GRAMD1B: variants seen among roughly 807,000 people sequenced by gnomAD.
The protein encoded by GRAMD1B is protein Aster-B.
A neutral mutation model predicts 99.7 loss-of-function variants in GRAMD1B; 37 were observed. The ratio of observed to expected loss-of-function variants is 0.37; its 90% CI spans 0.29 to 0.49. GRAMD1B has a LOEUF of 0.49. Among genes scored for constraint, GRAMD1B ranks in the 20% least tolerant of loss-of-function variants. GRAMD1B has a pLI of 0.98. For missense variants in GRAMD1B, 888 were observed against 1,009.2 expected, an observed-to-expected ratio of 0.88 and a Z score of 1.63; for synonymous variants, 427 against 387.6, an observed-to-expected ratio of 1.10 and a Z score of -1.19.
At chr11:123,549,076 A>T (rs1945347780) in intron 2 of GRAMD1B, among the ~76,000 whole-genome samples, 1 of 152,166 alleles carries the variant, frequency 6.6e-6, no homozygotes, top group South Asian at 2.1e-4. Context: ...GTTGGAGGTG[A>T]TGAAATGGTC....
Position 123,430,832 on chromosome 11 carries a change from G to A in GRAMD1B, c.40G>A (p.Ala14Thr). The A allele has an allele frequency of 2.9e-6, 2 of 697,896 alleles. No individual in the cohort carries two copies. The highest frequency in any genetic ancestry group is 5.2e-6 in the Non-Finnish European group (2 of 382,712). 43.2% of individuals were successfully genotyped at this position (697,896 alleles called of 1,614,324 possible). ...CATGATGGAGAACCGGCCGCTGCCC[G>A]CCCTGCAGGTGCCCGAGCCGCAGGG... Reference protein sequence around the residue: ...ANMMENRPLPALQVPEPQGAP... With the variant: ...ANMMENRPLPTLQVPEPQGAP... The change falls in exon 1 of 20, where the codon GCC becomes ACC. Residue 14 changes from alanine (A) to threonine (T), a missense_variant. Around this residue, in one of 5 missense-constraint regions of GRAMD1B, gnomAD observed 233 missense variants for 154.6 expected, o/e 1.51. Transcript: ENST00000635736.
rs532257390 is a variant in GRAMD1B at position 123,547,873 on chromosome 11, C to T, written c.453-29494C>T. ...GGCCCACATGTGTTAATTATTCTTA[C>T]AGTCATGTTGTAATTTTGGTCCATG... On this transcript the variant is annotated intron_variant, in intron 2 of 19. Coordinates refer to ENST00000635736, the MANE Select transcript of GRAMD1B (RefSeq NM_001387025.1). Among the ~76,000 whole-genome samples, 44 of 152,308 alleles carry T rather than the reference C, an allele frequency of 2.9e-4. No homozygotes were observed. The South Asian group carries it at 8.7e-3, about 30-fold the overall frequency.
At chr11:123,383,789 A>AATATATATATATATAT (rs113677613) in intron 1 of GRAMD1B, among the ~76,000 whole-genome samples, 5 of 147,086 alleles carry the variant, frequency 3.4e-5, no homozygotes, top group African/African-American at 1.2e-4. Context: ...TCCCTTCATG[A>AATATATATATATATAT]ATATATATAT....
intron 1 of GRAMD1B, among the ~76,000 whole-genome samples, chr11:123,370,189 C>A (rs1946476185): frequency 6.6e-6 from 1 of 151,666 alleles, no homozygotes; most frequent in Admixed American, 6.6e-5. Flanking sequence ...GTGATGCATG[C>A]CTGTAAGTCC....
intron 2 of GRAMD1B, among the ~76,000 whole-genome samples, chr11:123,481,802 T>C (rs1951623580): frequency 6.6e-6 from 1 of 152,188 alleles, no homozygotes; most frequent in African/African-American, 2.4e-5. Flanking sequence ...TAAACTTCTT[T>C]GCCTACAGAA....
rs559687889 is a variant in GRAMD1B, at chr11:123,541,508, A to G, written c.453-35859A>G. On this transcript the variant is annotated intron_variant, in intron 2 of 19. Transcript: ENST00000635736. ...TTGGTAACATGTTATTAATTTTCAT[A>G]TGATCTATTTATATTTCTTCTGTGA... Among the ~76,000 whole-genome samples the G allele has an allele frequency of 5.4e-5, 8 of 148,238 alleles. No individual in the cohort carries two copies. In the South Asian group the frequency reaches 1.5e-3, roughly 28 times the overall value.
At position 123,588,229 on chromosome 11, in the gene GRAMD1B, C is replaced by G. The variant is rs551578952; in HGVS notation, c.684+3897C>G. 3.0e-4 allele frequency among the ~76,000 whole-genome samples: 45 copies of G among 152,280 alleles called. No homozygotes were observed. In the South Asian group the frequency reaches 6.0e-3, roughly 20 times the overall value. On this transcript the variant is annotated intron_variant, in intron 4 of 19. Coordinates refer to ENST00000635736, the MANE Select transcript of GRAMD1B (RefSeq NM_001387025.1). ...TGTTTTCTCCTGGGCTCCTCCACCCCCTCCTTCTCGCCATCCCTGGGAAGA... is the reference window on the plus strand; with the variant it reads ...TGTTTTCTCCTGGGCTCCTCCACCCGCTCCTTCTCGCCATCCCTGGGAAGA...
intron 2 of GRAMD1B, among the ~76,000 whole-genome samples, chr11:123,536,091 A>G (rs1478421905): frequency 6.6e-6 from 1 of 152,188 alleles, no homozygotes; most frequent in East Asian, 1.9e-4. Context: ...GAAGTCACTT[A>G]CTGTCCCCAA....
intron 3 of GRAMD1B, among the ~76,000 whole-genome samples, chr11:123,579,699 A>G (rs2136264424): frequency 6.6e-6 from 1 of 151,730 alleles, no homozygotes; most frequent in South Asian, 2.1e-4. Context: ...CAGGCTCCCC[A>G]CTCCCTGCTC....
chr11:123,362,627 A>G (rs1450761338), intron 1 of GRAMD1B, among the ~76,000 whole-genome samples: 3 of 152,222 alleles, frequency 2.0e-5, no homozygotes, highest in East Asian at 1.9e-4. Flanking sequence ...GCTGAGCTCA[A>G]TGGATAGTAA....
At chr11:123,562,085 C>T (rs1642549319) in intron 2 of GRAMD1B, among the ~76,000 whole-genome samples, 4 of 152,284 alleles carry the variant, frequency 2.6e-5, no homozygotes, top group South Asian at 4.1e-4. Flanking sequence ...TGTGCTGGCT[C>T]ATGCCTGTAA....
chr11:123,552,520 G>A (rs1438606308), intron 2 of GRAMD1B, among the ~76,000 whole-genome samples: 1 of 151,678 alleles, frequency 6.6e-6, no homozygotes, highest in Non-Finnish European at 1.5e-5. Context: ...CAAAATGCTG[G>A]GATTACAGGT....
chr11:123,474,872 GGT>G (rs1951189927), intron 1 of GRAMD1B, among the ~76,000 whole-genome samples: 1 of 152,162 alleles, frequency 6.6e-6, no homozygotes, highest in South Asian at 2.1e-4. Context: ...CTGCAGCCTG[GGT>G]GTGGGTAAAT....
intron 1 of GRAMD1B, among the ~76,000 whole-genome samples, chr11:123,470,847 A>G (rs1950982480): frequency 6.6e-6 from 1 of 152,180 alleles, no homozygotes; most frequent in Non-Finnish European, 1.5e-5. Context: ...CTAGAACTCA[A>G]ATCCTGGGTT....
chr11:123,627,473 A>T lies in GRAMD1B; in HGVS notation c.*4878A>T, dbSNP rs967231855. On this transcript the variant is annotated 3_prime_UTR_variant, in exon 20 of 20. Transcript: ENST00000635736. The stretch of plus-strand genomic sequence containing the variant: ...GGTGGGGAGGGATGGGTCAGAGGCC[A>T]TAGTGGCCCCTGGATAATCCTGACG... The T allele has an allele frequency of 6.6e-6, 1 of 152,382 alleles. No individual in the cohort carries two copies. The highest frequency in any genetic ancestry group is 2.4e-5 in the African/African-American group (1 of 41,470). 9.4% of individuals were successfully genotyped at this position (152,382 alleles called of 1,614,324 possible).
intron 3 of GRAMD1B, among the ~76,000 whole-genome samples, chr11:123,583,488 G>A (rs528960465): frequency 4.9e-4 from 74 of 152,266 alleles, no homozygotes; most frequent in African/African-American, 1.8e-3. Flanking sequence ...ACACAAGCTT[G>A]TCTATCTGCG....
At chr11:123,481,249 G>A (rs947293462) in intron 2 of GRAMD1B, among the ~76,000 whole-genome samples, 3 of 152,120 alleles carry the variant, frequency 2.0e-5, no homozygotes, top group Admixed American at 6.5e-5. Context: ...GAGATCTGGA[G>A]TTCGAGACTA....
rs1592094492 is a variant in GRAMD1B, at chr11:123,577,485, C to G, written c.571C>G (p.His191Asp). The stretch of plus-strand genomic sequence containing the variant: ...CACCATGGTGGAGAAGGGCTCAGAT[C>G]ACTCCTCGGACAAGTCCCCGTCCAC... ...GDTMVEKGSD[H>D]SSDKSPSTPE... Residue 191 changes from histidine to aspartate, a missense_variant, in exon 3 of 20, where the codon CAC becomes GAC. By Grantham distance (81) the His-to-Asp change is moderately conservative. Transcript: ENST00000635736. 1 of 1,604,014 alleles carries G rather than the reference C, an allele frequency of 6.2e-7. No homozygotes were observed. The highest frequency in any genetic ancestry group is 1.7e-5 in the Admixed American group (1 of 58,952).
At chr11:123,473,751 C>T (rs1488406436) in intron 1 of GRAMD1B, among the ~76,000 whole-genome samples, 2 of 152,166 alleles carry the variant, frequency 1.3e-5, no homozygotes, top group Admixed American at 1.3e-4. Context: ...TCAATATTCA[C>T]CTCAAGTATG....
Sources: gnomAD v4.1 joint callset for allele counts (sites outside exome capture counted in the v4.1 genomes callset) on GRCh38, gnomAD v4.1.1 for gene constraint, gnomAD v4.1.1 regional missense constraint, MANE v1.5 for transcripts, NCBI Gene and HGNC (gene_info 2026-07-23, HGNC 2026-07-21) for gene names.